Variants in ADCY4 observed in about 807,000 individuals in gnomAD.
ADCY4 encodes adenylate cyclase type 4.
In ADCY4, 111 loss-of-function variants were observed where a neutral mutation model predicts 125.5. The observed-to-expected ratio is 0.88, with a 90% CI of 0.76 to 1.04. ADCY4 has a LOEUF of 1.04. Among genes scored for constraint, ADCY4 ranks in the 50% least tolerant of loss-of-function variants. The pLI is 0.00. For missense variants in ADCY4, 1,256 were observed against 1,382.9 expected (o/e 0.91, Z 1.46); for synonymous variants, 576 against 586.9 (o/e 0.98, Z 0.27).
chr14:24,334,868 C>G lies in ADCY4; in HGVS notation c.-216G>C. On this transcript the variant is annotated 5_prime_UTR_variant, in exon 1 of 25. Transcript: ENST00000418030. ...GATGAGGGGATCCCTCAGTCCTTTC[C>G]TCCTCCTCCCTCAAACCCGGATTGT... The G allele has an allele frequency of 1.9e-6, 1 of 536,284 alleles. No homozygotes were observed. Among genetic ancestry groups the G allele is most frequent in the Non-Finnish European group, 3.3e-6 (1 of 305,374 alleles). 33.2% of individuals were successfully genotyped at this position (536,284 alleles called of 1,614,324 possible). A position where few individuals can be genotyped will look rare whatever the true frequency, so the allele number is the denominator to read the frequency against.
chr14:24,325,512 G>T (rs1267199956), intron 13 of ADCY4, 38 bp from the exon 14 acceptor site: 2 of 1,557,480 alleles, frequency 1.3e-6, no homozygotes, highest in South Asian at 1.1e-5. Flanking sequence ...ACAGGGTCCA[G>T]TGCTACCCAT....
chr14:24,333,964 C>T (rs1013617926), intron 1 of ADCY4, among the ~76,000 whole-genome samples: 1 of 152,226 alleles, frequency 6.6e-6, no homozygotes, highest in Admixed American at 6.5e-5. Flanking sequence ...GTGATTTTCC[C>T]ACCTTGCCTC....
Position 24,324,437 on chromosome 14 carries a change from C to T in ADCY4, c.1824-46G>A, listed in dbSNP as rs757946384. The stretch of plus-strand genomic sequence containing the variant: ...GGCCTTGAAGTGCCAGAACAGGCTC[C>T]CTGTGTGCTATGAAGGTGCTGTGTG... On this transcript the variant is annotated intron_variant, in intron 14 of 24. Coordinates refer to ENST00000418030, the MANE Select transcript of ADCY4 (RefSeq NM_001198568.2). 31 of 1,561,958 alleles carry T rather than the reference C, an allele frequency of 2.0e-5. No homozygotes were observed. In the Admixed American group the frequency reaches 4.4e-4, roughly 22 times the overall value.
intron 10 of ADCY4, 138 bp from the exon 11 acceptor site, chr14:24,326,480 A>G (rs1177724532): frequency 9.9e-7 from 1 of 1,013,510 alleles, no homozygotes; most frequent in African/African-American, 1.6e-5. Context: ...GCCTCTAATG[A>G]CCTCTCTGTC....
At chr14:24,326,681 C>T (rs904702999) in intron 10 of ADCY4, among the ~76,000 whole-genome samples, 3 of 151,640 alleles carry the variant, frequency 2.0e-5, no homozygotes, top group African/African-American at 4.9e-5. Flanking sequence ...ACAACTTCCA[C>T]CTCCCAGGTT....
rs1415000233 is a variant in ADCY4, at chr14:24,331,006, GTCT to G, written c.930+9_930+11del. ...TGAGGGTCCCTGGGTGGGGAGGGAA[GTCT>G]TCTCTGACCTTGGCAATCTGGTCGA... On this transcript the variant is annotated intron_variant, in intron 6 of 24. Transcript: ENST00000418030. 5.0e-6 allele frequency: 8 copies of G among 1,587,216 alleles called. No homozygotes were observed. In the East Asian group the frequency reaches 1.8e-4, roughly 36 times the overall value.
In ADCY4 at chr14:24,325,600, G is replaced by A. The variant is rs936584197; in HGVS notation, c.1726-126C>T. 5 of 921,462 alleles carry A rather than the reference G, an allele frequency of 5.4e-6. No homozygotes were observed. The African/African-American group carries it at 8.5e-5, about 16-fold the overall frequency. 57.1% of individuals were successfully genotyped at this position (921,462 alleles called of 1,614,324 possible). The stretch of plus-strand genomic sequence containing the variant: ...CCAGGCTCCAGTTCAGTTCCATGTA[G>A]ACCCTACCAGTTCTCCAAGGAGTTA... On this transcript the variant is annotated intron_variant, in intron 13 of 24. Transcript: ENST00000418030.
chr14:24,318,973 C>T (rs923933805), intron 23 of ADCY4, 125 bp downstream of exon 23: 5 of 1,405,740 alleles, frequency 3.6e-6, no homozygotes, highest in Non-Finnish European at 4.9e-6. Flanking sequence ...CACACCCCAT[C>T]CCAGGGAGTG....
Position 24,325,852 on chromosome 14 carries a change from G to A in ADCY4, c.1691C>T (p.Thr564Ile), listed in dbSNP as rs1249799669. ...CATCTCCTTCTCTCTGAAGTACAGT[G>A]TCAGTGGGTTGAAGTCCTTCGACTG... Reference protein sequence around the residue: ...WKQSKDFNPLTLYFREKEMEK... With the variant: ...WKQSKDFNPLILYFREKEMEK... Residue 564 changes from threonine to isoleucine, a missense_variant, in exon 13 of 25, where the codon ACA (threonine) becomes ATA (isoleucine). Physicochemically the swap from Thr to Ile is moderately conservative, Grantham distance 89. Coordinates refer to ENST00000418030, the MANE Select transcript of ADCY4 (RefSeq NM_001198568.2). 3 of 1,597,924 alleles carry A rather than the reference G, an allele frequency of 1.9e-6. No individual in the cohort carries two copies. The highest frequency in any genetic ancestry group is 2.6e-6 in the Non-Finnish European group (3 of 1,170,362).
chr14:24,327,185 C>T (rs2041962200), intron 10 of ADCY4, among the ~76,000 whole-genome samples: 1 of 152,082 alleles, frequency 6.6e-6, no homozygotes, highest in Admixed American at 6.5e-5. Flanking sequence ...GTGTGAGCCA[C>T]CGTGCCTGGC....
intron 3 of ADCY4, 113 bp downstream of exon 3, chr14:24,332,409 G>A: frequency 8.0e-7 from 1 of 1,249,824 alleles, no homozygotes; most frequent in Admixed American, 2.6e-5. Flanking sequence ...TGGGTATCCT[G>A]CGCCCAGCGT....
intron 20 of ADCY4, among the ~76,000 whole-genome samples, chr14:24,320,125 C>A (rs1200654084): frequency 1.3e-5 from 2 of 152,202 alleles, no homozygotes; most frequent in Non-Finnish European, 2.9e-5. Context: ...CACCTCACAG[C>A]AACACGAAGG....
At position 24,321,977 on chromosome 14, in the gene ADCY4, C is replaced by T. The variant is rs2041858556; in HGVS notation, c.2586+89G>A. 1.4e-5 allele frequency: 21 copies of T among 1,487,510 alleles called. 1 individual carries two copies. In the South Asian group the frequency reaches 2.7e-4, roughly 19 times the overall value. 92.1% of individuals were successfully genotyped at this position (1,487,510 alleles called of 1,614,324 possible). A position where few individuals can be genotyped will look rare whatever the true frequency, so the allele number is the denominator to read the frequency against. ...GGCTTGGGTGACCCTTCTGGGGGTTCTAGAGAAAACGGGCCATAGGTCAAG... is the reference window on the plus strand; with the variant it reads ...GGCTTGGGTGACCCTTCTGGGGGTTTTAGAGAAAACGGGCCATAGGTCAAG... On this transcript the variant is annotated intron_variant, in intron 20 of 24. Transcript: ENST00000418030.
At chr14:24,326,268 C>T in intron 11 of ADCY4, 31 bp downstream of exon 11, 6 of 1,613,984 alleles carry the variant, frequency 3.7e-6, no homozygotes, top group Admixed American at 1.7e-5. Flanking sequence ...TCCAGACAGC[C>T]CCACTGGCAA....
intron 16 of ADCY4, 127 bp downstream of exon 16, chr14:24,323,935 T>A (rs963657542): frequency 2.0e-5 from 27 of 1,352,362 alleles, no homozygotes; most frequent in Non-Finnish European, 2.5e-5. Context: ...TTCTTTCTAT[T>A]TGTACAACAT....
Position 24,323,455 on chromosome 14 carries a change from C to T in ADCY4, c.2047-1G>A, listed in dbSNP as rs766677592. 9 of 1,552,396 alleles carry T rather than the reference C, an allele frequency of 5.8e-6. No individual in the cohort carries two copies. Among genetic ancestry groups the T allele is most frequent in the Non-Finnish European group, 7.8e-6 (9 of 1,147,282 alleles). ...AGTCTGATGATGTTGGGAAGAAGAA[C>T]TGCAGAGGAGATGAGGAGTTGAAGA... On this transcript the variant is annotated splice_acceptor_variant, in intron 16 of 24. Transcript: ENST00000418030. LOFTEE classifies it high-confidence loss of function.
At chr14:24,327,338 G>A (rs1419113828) in intron 10 of ADCY4, among the ~76,000 whole-genome samples, 2 of 152,210 alleles carry the variant, frequency 1.3e-5, no homozygotes, top group African/African-American at 4.8e-5. Flanking sequence ...GCACACCAGT[G>A]GAAAGCGGCA....
intron 20 of ADCY4, among the ~76,000 whole-genome samples, 190 bp from the exon 21 acceptor site, chr14:24,320,078 T>G (rs1039323172): frequency 1.3e-5 from 2 of 152,146 alleles, no homozygotes; most frequent in Non-Finnish European, 1.5e-5. Context: ...TAGATCTCAT[T>G]GTAATTCTAG....
At chr14:24,331,455 G>T in intron 4 of ADCY4, 99 bp from the exon 5 acceptor site, 1 of 1,519,234 alleles carries the variant, frequency 6.6e-7, no homozygotes, top group East Asian at 2.3e-5. Flanking sequence ...CATCCTAGGT[G>T]CTCCCCAGGG....
Sources: gnomAD v4.1 joint callset for allele counts (sites outside exome capture counted in the v4.1 genomes callset) on GRCh38, gnomAD v4.1.1 for gene constraint, MANE v1.5 for transcripts, NCBI Gene and HGNC (gene_info 2026-07-23, HGNC 2026-07-21) for gene names.